BCL11B: variants seen among roughly 807,000 people sequenced by gnomAD.
BCL11B encodes the protein B-cell lymphoma/leukemia 11B.
A neutral mutation model predicts 49.9 loss-of-function variants in BCL11B; 8 were observed. The ratio of observed to expected loss-of-function variants is 0.16; its 90% CI spans 0.09 to 0.29. The LOEUF (loss-of-function observed/expected upper bound fraction) is 0.29. BCL11B is among the 10% of genes least tolerant of loss of function. The pLI is 1.00. For synonymous variants in BCL11B, 739 were observed against 637.4 expected (o/e 1.16, Z -2.40); for missense variants, 1,006 against 1,351.0 (o/e 0.74, Z 4.00).
intron 2 of BCL11B, among the ~76,000 whole-genome samples, chr14:99,255,840 A>G (rs1223092465): frequency 2.6e-5 from 4 of 152,242 alleles, no homozygotes; most frequent in Non-Finnish European, 5.9e-5. Flanking sequence ...CAGTGTTTAC[A>G]TGCCGGTGGC....
intron 3 of BCL11B, among the ~76,000 whole-genome samples, chr14:99,196,002 A>T (rs1887167907): frequency 6.6e-6 from 1 of 152,168 alleles, no homozygotes; most frequent in Non-Finnish European, 1.5e-5. Flanking sequence ...TAAATGATGA[A>T]GAAGCCCATG....
At chr14:99,235,906 T>TA (rs36049420) in intron 2 of BCL11B, among the ~76,000 whole-genome samples, 2 of 151,346 alleles carry the variant, frequency 1.3e-5, no homozygotes, top group African/African-American at 4.9e-5. Flanking sequence ...TTAAAAAAAT[T>TA]AAAAAAAAGC....
At chr14:99,269,462 C>T (rs1889583278) in intron 1 of BCL11B, among the ~76,000 whole-genome samples, 2 of 151,692 alleles carry the variant, frequency 1.3e-5, no homozygotes, top group African/African-American at 4.9e-5. Context: ...GTCCTCTTCC[C>T]TTCCTCCAAA....
intron 2 of BCL11B, among the ~76,000 whole-genome samples, chr14:99,244,595 G>A (rs962671036): frequency 3.9e-5 from 6 of 152,150 alleles, no homozygotes; most frequent in African/African-American, 1.2e-4. Context: ...AGAAATCAGC[G>A]AGCAAGTTCA....
chr14:99,268,749 C>T (rs1264543599), intron 1 of BCL11B, among the ~76,000 whole-genome samples: 1 of 152,190 alleles, frequency 6.6e-6, no homozygotes, highest in Non-Finnish European at 1.5e-5. Flanking sequence ...GTACACATAG[C>T]CTGGGCTCCG....
chr14:99,265,724 G>A (rs1484138257), intron 1 of BCL11B, among the ~76,000 whole-genome samples: 1 of 152,164 alleles, frequency 6.6e-6, no homozygotes, highest in African/African-American at 2.4e-5. Flanking sequence ...AAATGAAGTA[G>A]AGAAATCATC....
intron 3 of BCL11B, among the ~76,000 whole-genome samples, chr14:99,211,102 C>T (rs980172112): frequency 6.6e-6 from 1 of 152,106 alleles, no homozygotes; most frequent in Admixed American, 6.5e-5. Context: ...ACATGCGTAC[C>T]CAGGTAATAC....
At chr14:99,215,854 G>A (rs1887818245) in intron 3 of BCL11B, among the ~76,000 whole-genome samples, 1 of 152,152 alleles carries the variant, frequency 6.6e-6, no homozygotes, top group Admixed American at 6.5e-5. Flanking sequence ...AATTAGAGGA[G>A]AAAGAGACCT....
intron 3 of BCL11B, among the ~76,000 whole-genome samples, chr14:99,226,930 T>C (rs749304493): frequency 6.6e-5 from 10 of 152,232 alleles, no homozygotes; most frequent in South Asian, 2.1e-4. Context: ...CTTTACAAGA[T>C]TGCCCTGTGA....
Position 99,231,129 on chromosome 14 carries a change from G to A in BCL11B, c.640+216C>T, listed in dbSNP as rs574662561. The stretch of plus-strand genomic sequence containing the variant: ...ATGCATTCTGGGAGCAAGACTCTCA[G>A]AACGGGTGGGGGCACCGTGGGGGAC... On this transcript the variant is annotated intron_variant, in intron 3 of 3. Transcript: ENST00000357195. The surrounding 1 kb of genome is among the most constrained non-coding windows in gnomAD (Gnocchi z 8.1). Among the ~76,000 whole-genome samples the A allele has an allele frequency of 6.6e-6, 1 of 152,350 alleles. No homozygotes were observed. The highest frequency in any genetic ancestry group is 1.9e-4 in the East Asian group (1 of 5,180).
rs531270013 is a variant in BCL11B at position 99,262,553 on chromosome 14, C to T, written c.59-4714G>A. On this transcript the variant is annotated intron_variant, in intron 1 of 3. Transcript: ENST00000357195. The surrounding 1 kb of genome is among the most constrained non-coding windows in gnomAD (Gnocchi z 4.2). ...AATCGTGTGCCACCAACGTCACAAC[C>T]GCCATCATGATGTGTACGCATGTTT... Among the ~76,000 whole-genome samples, 2 of 152,136 alleles carry T rather than the reference C, an allele frequency of 1.3e-5. No homozygotes were observed. Among genetic ancestry groups the T allele is most frequent in the Non-Finnish European group, 2.9e-5 (2 of 68,028 alleles).
chr14:99,186,559 A>T (rs774950660), intron 3 of BCL11B, among the ~76,000 whole-genome samples: 1 of 152,216 alleles, frequency 6.6e-6, no homozygotes, highest in Non-Finnish European at 1.5e-5. Flanking sequence ...GGGAAAGCGC[A>T]TGCCTGGCAG....
chr14:99,209,188 C>G (rs919235533), intron 3 of BCL11B, among the ~76,000 whole-genome samples: 7 of 152,102 alleles, frequency 4.6e-5, no homozygotes, highest in Non-Finnish European at 1.0e-4. Context: ...ATTTGCAAGA[C>G]GGGAGCTGCC....
intron 3 of BCL11B, among the ~76,000 whole-genome samples, chr14:99,202,960 C>T (rs1887429533): frequency 6.6e-6 from 1 of 152,220 alleles, no homozygotes; most frequent in Admixed American, 6.5e-5. Flanking sequence ...GCTCTGGGGT[C>T]GGACAGCCGG....
chr14:99,176,297 T>G, intron 3 of BCL11B, 102 bp from the exon 4 acceptor site: 2 of 1,127,354 alleles, frequency 1.8e-6, no homozygotes, highest in Non-Finnish European at 2.5e-6. Flanking sequence ...CCCGGGCTGA[T>G]CCGGGATCCC....
In BCL11B at chr14:99,175,788, G is replaced by A. The variant is rs1283850331; in HGVS notation, c.1048C>T (p.Arg350Cys). 12 of 1,471,652 alleles carry A rather than the reference G, an allele frequency of 8.2e-6. No homozygotes were observed. The highest frequency in any genetic ancestry group is 1.1e-5 in the Non-Finnish European group (12 of 1,122,672). The allele number at this position is 1,471,652 out of a possible 1,614,324, so 91.2% of individuals were successfully genotyped here. A position where few individuals can be genotyped will look rare whatever the true frequency, so the allele number is the denominator to read the frequency against. Residue 350 changes from arginine to cysteine, a missense_variant, in exon 4 of 4, where the codon CGC becomes TGC. Arg to Cys is a radical substitution (Grantham distance 180). Coordinates refer to ENST00000357195, the MANE Select transcript of BCL11B (RefSeq NM_138576.4). Reference protein sequence around the residue: ...QHPSAFDRVMRLNPMAIDSPA... With the variant: ...QHPSAFDRVMCLNPMAIDSPA... ...GAGTCGATGGCCATGGGGTTCAGGC[G>A]CATGACTCGGTCGAAGGCACTGGGG...
intron 3 of BCL11B, among the ~76,000 whole-genome samples, chr14:99,190,413 G>A (rs944334276): frequency 3.9e-5 from 6 of 152,230 alleles, no homozygotes; most frequent in East Asian, 1.9e-4. Flanking sequence ...GCTTGAACCC[G>A]GGAAGTGGAG....
In BCL11B at chr14:99,228,987, G is replaced by A. The variant is rs1303220559; in HGVS notation, c.640+2358C>T. Among the ~76,000 whole-genome samples, 2 of 150,718 alleles carry A rather than the reference G, an allele frequency of 1.3e-5. No homozygotes were observed. The highest frequency in any genetic ancestry group is 2.4e-5 in the African/African-American group (1 of 41,026). On this transcript the variant is annotated intron_variant, in intron 3 of 3. Transcript: ENST00000357195. The surrounding 1 kb of genome is among the most constrained non-coding windows in gnomAD (Gnocchi z 4.8). ...GCATGGATGGATGCATGGATGGATG[G>A]ATGGCTACATGGATGAATGGATGGA...
Position 99,173,798 on chromosome 14 carries a change from A to C in BCL11B, c.*353T>G. 7.0e-5 allele frequency: 22 copies of C among 316,540 alleles called. No individual in the cohort carries two copies. The highest frequency in any genetic ancestry group is 1.1e-4 in the East Asian group (2 of 18,534). 19.6% of individuals were successfully genotyped at this position (316,540 alleles called of 1,614,324 possible). A position where few individuals can be genotyped will look rare whatever the true frequency, so the allele number is the denominator to read the frequency against. On this transcript the variant is annotated 3_prime_UTR_variant, in exon 4 of 4. Coordinates refer to ENST00000357195, the MANE Select transcript of BCL11B (RefSeq NM_138576.4). ...CTTGCGAGTCATTGCTCAGGCTACT[A>C]CCGGGTTAAAAAAAAAACAAAGAAG...
Sources: gnomAD v4.1 joint callset for allele counts (sites outside exome capture counted in the v4.1 genomes callset) on GRCh38, gnomAD v4.1.1 for gene constraint, Gnocchi (gnomAD v3.1) non-coding constraint, MANE v1.5 for transcripts, NCBI Gene and HGNC (gene_info 2026-07-23, HGNC 2026-07-21) for gene names.